Variants in SNAP47 observed in about 807,000 individuals in gnomAD.
SNAP47 encodes synaptosomal-associated protein 47.
In SNAP47, 20 loss-of-function variants were observed where a neutral mutation model predicts 31.4. The ratio of observed to expected loss-of-function variants is 0.64; its 90% CI spans 0.45 to 0.93. SNAP47 has a LOEUF of 0.93. Ranked by LOEUF, SNAP47 falls within the 40% of genes least tolerant of loss-of-function variation. The probability of loss-of-function intolerance (pLI) is 0.00; values close to 1 mark genes in which losing one functional copy is unlikely to be tolerated. For missense variants in SNAP47, 492 were observed against 528.5 expected (o/e 0.93, Z 0.68); for synonymous variants, 194 against 213.4 (o/e 0.91, Z 0.79).
chr1:227,744,348 T>A (rs1052990329), intron 1 of SNAP47, among the ~76,000 whole-genome samples: 1 of 152,168 alleles, frequency 6.6e-6, no homozygotes, highest in Non-Finnish European at 1.5e-5. Context: ...CTGATTGGCA[T>A]GTATGCATGT....
At chr1:227,769,192 C>A (rs774951992) in intron 4 of SNAP47, among the ~76,000 whole-genome samples, 18 of 152,292 alleles carry the variant, frequency 1.2e-4, no homozygotes, top group Middle Eastern at 3.4e-3. Context: ...CATTAAAGAT[C>A]CAGCAAGCCC....
intron 4 of SNAP47, chr1:227,775,861 T>A: frequency 3.1e-6 from 4 of 1,304,000 alleles, no homozygotes; most frequent in Non-Finnish European, 4.0e-6. Flanking sequence ...AGGAGCTTTG[T>A]GGAGACAGAG....
chr1:227,772,334 C>G (rs1242509124), intron 4 of SNAP47, among the ~76,000 whole-genome samples: 1 of 151,962 alleles, frequency 6.6e-6, no homozygotes, highest in Non-Finnish European at 1.5e-5. Context: ...ACCCACGTTT[C>G]TGCCCCAGCC....
At chr1:227,755,479 C>T (rs895362365) in intron 2 of SNAP47, among the ~76,000 whole-genome samples, 9 of 152,050 alleles carry the variant, frequency 5.9e-5, no homozygotes, top group African/African-American at 4.8e-5. Flanking sequence ...ATCTGCCTTC[C>T]GGGTTCAATC....
intron 1 of SNAP47, among the ~76,000 whole-genome samples, chr1:227,736,016 G>A (rs1661124976): frequency 2.6e-5 from 4 of 151,982 alleles, no homozygotes; most frequent in Admixed American, 2.6e-4. Context: ...AGGACCTGGA[G>A]GGGACAGTGG....
At position 227,748,062 on chromosome 1, in the gene SNAP47, T is replaced by C. The variant is rs777876120; in HGVS notation, c.326T>C (p.Val109Ala). Residue 109 changes from valine to alanine, a missense_variant, in exon 2 of 5, where the codon GTG becomes GCG. Transcript: ENST00000617596. ...CTGCTGCTGTCTCAGCCTGGAGCCGTGGCAGACGCATCTGTCCCAAGGACC... is the reference window on the plus strand; with the variant it reads ...CTGCTGCTGTCTCAGCCTGGAGCCGCGGCAGACGCATCTGTCCCAAGGACC... ...RELLLSQPGA[V>A]ADASVPRTRG... 1 of 1,614,126 alleles carries C rather than the reference T, an allele frequency of 6.2e-7. No homozygotes were observed. The highest frequency in any genetic ancestry group is 1.1e-5 in the South Asian group (1 of 91,068).
upstream of SNAP47, chr1:227,732,704 T>C: frequency 1.2e-6 from 2 of 1,608,938 alleles, no homozygotes; most frequent in Non-Finnish European, 1.7e-6. Flanking sequence ...GCCAGTGAGC[T>C]AACACCATGG....
chr1:227,737,103 G>C (rs899488890), intron 1 of SNAP47, among the ~76,000 whole-genome samples: 3 of 152,212 alleles, frequency 2.0e-5, no homozygotes, highest in Admixed American at 6.5e-5. Context: ...AGGGATCAGG[G>C]TACTCTGTGA....
At chr1:227,766,564 C>G (rs1226417260) in intron 3 of SNAP47, among the ~76,000 whole-genome samples, 1 of 152,238 alleles carries the variant, frequency 6.6e-6, no homozygotes, top group Non-Finnish European at 1.5e-5. Flanking sequence ...ACTTCCTGTG[C>G]TCTCCAGAAC....
intron 4 of SNAP47, among the ~76,000 whole-genome samples, chr1:227,773,758 A>G (rs915898035): frequency 1.3e-5 from 2 of 152,200 alleles, no homozygotes; most frequent in African/African-American, 4.8e-5. Context: ...GCAGGCCTGC[A>G]GCTTGGGGGG....
At chr1:227,754,829 G>T (rs902045441) in intron 2 of SNAP47, among the ~76,000 whole-genome samples, 1 of 152,182 alleles carries the variant, frequency 6.6e-6, no homozygotes, top group Admixed American at 6.5e-5. Context: ...AAAGTGTTTT[G>T]CCTGGAGAGG....
chr1:227,759,680 C>A, intron 3 of SNAP47, 195 bp downstream of exon 3: 1 of 661,784 alleles, frequency 1.5e-6, no homozygotes, highest in Non-Finnish European at 2.5e-6. Flanking sequence ...ATCTGTGAAT[C>A]TGAAATCACT....
intron 1 of SNAP47, among the ~76,000 whole-genome samples, chr1:227,729,200 G>C (rs1660486307): frequency 6.6e-6 from 1 of 152,176 alleles, no homozygotes; most frequent in Non-Finnish European, 1.5e-5. Flanking sequence ...GGGTAACTGG[G>C]GCCTGTGGAA....
At position 227,780,902 on chromosome 1, in the gene SNAP47, G is replaced by A. The variant is rs1466208480; in HGVS notation, c.*229G>A. On this transcript the variant is annotated 3_prime_UTR_variant, in exon 5 of 5. Transcript: ENST00000617596. ...TGGGCAGGACCCGGCCACATGTTCT[G>A]CGGATGCTGCAGAAGTGTGGACCAT... 3 of 591,310 alleles carry A rather than the reference G, an allele frequency of 5.1e-6. No homozygotes were observed. The highest frequency in any genetic ancestry group is 8.9e-6 in the Non-Finnish European group (3 of 338,596). 36.6% of individuals were successfully genotyped at this position (591,310 alleles called of 1,614,324 possible). A position where few individuals can be genotyped will look rare whatever the true frequency, so the allele number is the denominator to read the frequency against.
At chr1:227,776,238 T>C (rs757507334) in intron 4 of SNAP47, 6 of 1,063,530 alleles carry the variant, frequency 5.6e-6, no homozygotes, top group Non-Finnish European at 6.9e-6. Context: ...GGAACACTTC[T>C]ATCAGGTCTG....
At chr1:227,733,416 G>C, upstream of SNAP47, 1 of 1,574,586 alleles carries the variant, frequency 6.4e-7, no homozygotes, top group Non-Finnish European at 8.6e-7. Context: ...CACATTACCA[G>C]GTTGTGCACC....
upstream of SNAP47, chr1:227,730,738 G>A (rs1338517973): frequency 6.6e-6 from 1 of 152,286 alleles, no homozygotes; most frequent in Non-Finnish European, 1.5e-5. Context: ...AAGCAGCCTG[G>A]ATGGTAATGG....
At position 227,748,049 on chromosome 1, in the gene SNAP47, C is replaced by A. The variant is rs537475220; in HGVS notation, c.313C>A (p.Gln105Lys). Residue 105 changes from glutamine to lysine, a missense_variant, in exon 2 of 5, where the codon CAG becomes AAG. By Grantham distance (53) the Gln-to-Lys change is moderately conservative. Transcript: ENST00000617596. ...EHFWRELLLS[Q>K]PGAVADASVP... The stretch of plus-strand genomic sequence containing the variant: ...TTTCTGGAGGGAGCTGCTGCTGTCT[C>A]AGCCTGGAGCCGTGGCAGACGCATC... The A allele has an allele frequency of 6.2e-6, 10 of 1,614,192 alleles. No individual in the cohort carries two copies. Among genetic ancestry groups the A allele is most frequent in the Middle Eastern group, 1.6e-4 (1 of 6,062 alleles).
chr1:227,756,305 C>G (rs1662688946), intron 2 of SNAP47, among the ~76,000 whole-genome samples: 1 of 152,232 alleles, frequency 6.6e-6, no homozygotes. Context: ...CGTCTCTCAT[C>G]TCTTTTGGAT....
Sources: allele counts gnomAD v4.1 joint callset (sites outside exome capture counted in the v4.1 genomes callset), GRCh38; gene constraint gnomAD v4.1.1; transcripts MANE v1.5; gene names NCBI Gene and HGNC (gene_info 2026-07-23, HGNC 2026-07-21).